SLC35F1: variants seen among roughly 807,000 people sequenced by gnomAD.
The protein encoded by SLC35F1 is chromosome 6 open reading frame 169.
SLC35F1 carries 14 observed loss-of-function variants against 48.7 expected under a neutral mutation model. The ratio of observed to expected loss-of-function variants is 0.29; its 90% CI spans 0.19 to 0.45. The LOEUF is 0.45. SLC35F1 is among the 20% of genes least tolerant of loss of function. SLC35F1 has a pLI of 1.00. For synonymous variants in SLC35F1, 190 were observed against 202.2 expected, an observed-to-expected ratio of 0.94 and a Z score of 0.51; for missense variants, 404 against 500.0, an observed-to-expected ratio of 0.81 and a Z score of 1.83.
chr6:118,222,558 A>G (rs959637629), intron 2 of SLC35F1, among the ~76,000 whole-genome samples: 2 of 152,176 alleles, frequency 1.3e-5, no homozygotes, highest in Admixed American at 1.3e-4. Flanking sequence ...TACCACCTAC[A>G]GGTATAGTTC....
intron 4 of SLC35F1, among the ~76,000 whole-genome samples, chr6:118,272,402 C>T (rs1054325231): frequency 8.5e-5 from 13 of 152,102 alleles, no homozygotes; most frequent in Non-Finnish European, 1.8e-4. Flanking sequence ...ATCATTATCA[C>T]GTATTGTGGT....
intron 1 of SLC35F1, among the ~76,000 whole-genome samples, chr6:118,078,106 A>G (rs941004060): frequency 2.0e-5 from 3 of 152,150 alleles, no homozygotes; most frequent in African/African-American, 7.2e-5. Context: ...TCAAATGCAT[A>G]ACACAGTTGG....
intron 2 of SLC35F1, among the ~76,000 whole-genome samples, chr6:118,224,873 T>C (rs989555823): frequency 1.3e-5 from 2 of 152,202 alleles, no homozygotes; most frequent in Non-Finnish European, 2.9e-5. Context: ...TTTGACTTTT[T>C]CCTTTCCAAT....
chr6:118,054,592 G>A, intron 1 of SLC35F1, among the ~76,000 whole-genome samples: 1 of 152,118 alleles, frequency 6.6e-6, no homozygotes, highest in East Asian at 1.9e-4. Flanking sequence ...GTGGGTTTGT[G>A]AGAGTTATTT....
intron 1 of SLC35F1, among the ~76,000 whole-genome samples, chr6:117,947,367 A>G (rs1424932452): frequency 2.0e-5 from 3 of 152,160 alleles, no homozygotes; most frequent in African/African-American, 4.8e-5. Flanking sequence ...AGGACTGGTA[A>G]TTGGAGAAGG....
At chr6:118,206,393 CCTTA>C in intron 2 of SLC35F1, among the ~76,000 whole-genome samples, 2 of 152,258 alleles carry the variant, frequency 1.3e-5, no homozygotes, top group South Asian at 4.1e-4. Flanking sequence ...CCTTCCCTAA[CCTTA>C]CTTCTTACTC....
At chr6:118,241,077 A>G (rs1236851997) in intron 3 of SLC35F1, among the ~76,000 whole-genome samples, 3 of 152,204 alleles carry the variant, frequency 2.0e-5, no homozygotes, top group Non-Finnish European at 2.9e-5. Flanking sequence ...GAATAGAGGA[A>G]GTGAGAGCCA....
At chr6:118,227,827 C>A (rs1249986890) in intron 2 of SLC35F1, among the ~76,000 whole-genome samples, 1 of 152,166 alleles carries the variant, frequency 6.6e-6, no homozygotes, top group East Asian at 1.9e-4. Flanking sequence ...TAGACTGGAT[C>A]TTGAAGGATG....
chr6:118,132,507 A>G (rs1773728807), intron 1 of SLC35F1, among the ~76,000 whole-genome samples: 1 of 152,208 alleles, frequency 6.6e-6, no homozygotes, highest in African/African-American at 2.4e-5. Context: ...TAAAATGGAG[A>G]TAATAAAAAT....
At chr6:117,921,067 C>G (rs1170953062) in intron 1 of SLC35F1, among the ~76,000 whole-genome samples, 1 of 93,908 alleles carries the variant, frequency 1.1e-5, no homozygotes, top group South Asian at 2.8e-4. Flanking sequence ...CACACACACA[C>G]ACACACACAC....
chr6:118,248,533 A>T (rs1275419918), intron 3 of SLC35F1, among the ~76,000 whole-genome samples: 2 of 152,120 alleles, frequency 1.3e-5, no homozygotes, highest in African/African-American at 2.4e-5. Flanking sequence ...TCAGGGAGAG[A>T]CTTGAAAACA....
chr6:118,294,683 C>T (rs944546384), intron 7 of SLC35F1, among the ~76,000 whole-genome samples: 1 of 152,122 alleles, frequency 6.6e-6, no homozygotes, highest in African/African-American at 2.4e-5. Flanking sequence ...TCACTTGGGC[C>T]ATTGGTTTAT....
At chr6:118,191,362 T>C (rs377206284) in intron 2 of SLC35F1, among the ~76,000 whole-genome samples, 17 of 152,304 alleles carry the variant, frequency 1.1e-4, no homozygotes, top group African/African-American at 4.1e-4. Flanking sequence ...CCTATTCATT[T>C]CTATTGTTCA....
At chr6:118,047,754 G>A (rs1278092291) in intron 1 of SLC35F1, among the ~76,000 whole-genome samples, 1 of 152,152 alleles carries the variant, frequency 6.6e-6, no homozygotes, top group Non-Finnish European at 1.5e-5. Flanking sequence ...TGTCCTCAAG[G>A]AATTTACTAC....
chr6:118,177,762 G>GTT (rs201398743), intron 2 of SLC35F1, among the ~76,000 whole-genome samples: 1 of 150,334 alleles, frequency 6.7e-6, no homozygotes, highest in African/African-American at 2.4e-5. Flanking sequence ...CATCGTTTTT[G>GTT]TTTTTTTTTA....
At chr6:118,105,033 G>A (rs1773310043) in intron 1 of SLC35F1, among the ~76,000 whole-genome samples, 1 of 152,128 alleles carries the variant, frequency 6.6e-6, no homozygotes, top group African/African-American at 2.4e-5. Flanking sequence ...TTCTCTTGAA[G>A]ACACCATTTT....
intron 2 of SLC35F1, among the ~76,000 whole-genome samples, chr6:118,193,548 C>T (rs971031250): frequency 1.3e-4 from 20 of 152,238 alleles, no homozygotes; most frequent in South Asian, 4.2e-4. Context: ...CATTTTTATG[C>T]ATTCTTATAG....
chr6:118,096,742 G>A (rs915453122), intron 1 of SLC35F1, among the ~76,000 whole-genome samples: 3 of 152,132 alleles, frequency 2.0e-5, no homozygotes, highest in Non-Finnish European at 4.4e-5. Flanking sequence ...CATTCAATGT[G>A]TAACTGTCAA....
intron 1 of SLC35F1, among the ~76,000 whole-genome samples, chr6:117,983,608 G>A (rs1434385986): frequency 6.6e-6 from 1 of 152,066 alleles, no homozygotes; most frequent in Non-Finnish European, 1.5e-5. Flanking sequence ...AGAAAATTCA[G>A]AAGCAGCTGT....
Sources: allele counts gnomAD v4.1 joint callset (sites outside exome capture counted in the v4.1 genomes callset), GRCh38; gene constraint gnomAD v4.1.1; transcripts MANE v1.5; gene names NCBI Gene and HGNC (gene_info 2026-07-23, HGNC 2026-07-21).